Variants in TMEM108 observed in about 807,000 individuals in gnomAD.
TMEM108 encodes transmembrane protein 108, also known as cancer/testis antigen 124.
TMEM108 carries 12 observed loss-of-function variants against 35.1 expected under a neutral mutation model. The ratio of observed to expected loss-of-function variants is 0.34; its 90% CI spans 0.22 to 0.55. The LOEUF is 0.55. TMEM108 is among the 20% of genes least tolerant of loss of function. The pLI, the probability that TMEM108 is intolerant of heterozygous loss-of-function variation, is 0.89. For missense variants in TMEM108, 680 were observed against 753.3 expected, an observed-to-expected ratio of 0.90 and a Z score of 1.14; for synonymous variants, 287 against 308.6, an observed-to-expected ratio of 0.93 and a Z score of 0.73.
intron 2 of TMEM108, among the ~76,000 whole-genome samples, chr3:133,068,343 G>C (rs1943635598): frequency 1.3e-5 from 2 of 152,082 alleles, no homozygotes; most frequent in Non-Finnish European, 2.9e-5. Context: ...AGGGAGAGAA[G>C]GAAACAGAGG....
At chr3:133,059,126 G>C (rs1184727660) in intron 2 of TMEM108, among the ~76,000 whole-genome samples, 1 of 152,172 alleles carries the variant, frequency 6.6e-6, no homozygotes, top group Non-Finnish European at 1.5e-5. Context: ...TGGATTACAA[G>C]GGCGTTAATC....
At chr3:133,296,640 C>T (rs78343907) in intron 3 of TMEM108, among the ~76,000 whole-genome samples, 3,127 of 152,020 alleles carry the variant, frequency 0.021, 93 homozygotes, top group African/African-American at 0.072. Context: ...GATGGACAGG[C>T]TGGAAAAGGA....
intron 2 of TMEM108, among the ~76,000 whole-genome samples, chr3:133,202,731 C>T (rs937038438): frequency 1.3e-5 from 2 of 152,084 alleles, no homozygotes; most frequent in African/African-American, 2.4e-5. Flanking sequence ...TAGCATGATG[C>T]CTCCAGCTTT....
Position 133,047,328 on chromosome 3 carries a change from C to G in TMEM108, c.-47+1308C>G, listed in dbSNP as rs192909279. On this transcript the variant is annotated intron_variant, in intron 2 of 5. Coordinates refer to ENST00000321871, the MANE Select transcript of TMEM108 (RefSeq NM_023943.4). Reference sequence around the variant, plus strand: ...TTTAAAAGTATATCCTGTATATCCTCTATTTTAAAAGTAACTAAAAAGTAT... The same window carrying G: ...TTTAAAAGTATATCCTGTATATCCTGTATTTTAAAAGTAACTAAAAAGTAT... 6.6e-5 allele frequency among the ~76,000 whole-genome samples: 10 copies of G among 152,284 alleles called. No homozygotes were observed. The East Asian group carries it at 1.9e-3, about 29-fold the overall frequency.
chr3:133,388,892 A>G lies in TMEM108; in HGVS notation c.1451-1288A>G, dbSNP rs536517592. 10 of 985,800 alleles carry G rather than the reference A, an allele frequency of 1.0e-5. No individual in the cohort carries two copies. The African/African-American group carries it at 1.4e-4, about 14-fold the overall frequency. The allele number at this position is 985,800 out of a possible 1,614,324, so 61.1% of individuals were successfully genotyped here. A position where few individuals can be genotyped will look rare whatever the true frequency, so the allele number is the denominator to read the frequency against. Reference sequence around the variant, plus strand: ...CTGGCCAGACCCTCAGGCTGCTGCGAACAGAGCTGGCCCTCTGCCAACCCC... The same window carrying G: ...CTGGCCAGACCCTCAGGCTGCTGCGGACAGAGCTGGCCCTCTGCCAACCCC... On this transcript the variant is annotated intron_variant, in intron 4 of 5. Transcript: ENST00000321871.
At chr3:133,370,700 T>C (rs2072634063) in intron 3 of TMEM108, among the ~76,000 whole-genome samples, 1 of 152,206 alleles carries the variant, frequency 6.6e-6, no homozygotes, top group Non-Finnish European at 1.5e-5. Context: ...TTTTTGTTTA[T>C]GTGAGGCAAG....
intron 3 of TMEM108, among the ~76,000 whole-genome samples, chr3:133,356,438 C>T (rs960779343): frequency 2.0e-5 from 3 of 152,090 alleles, no homozygotes; most frequent in Non-Finnish European, 2.9e-5. Context: ...TGTCAAAATA[C>T]CATTATAATT....
intron 3 of TMEM108, among the ~76,000 whole-genome samples, chr3:133,353,845 A>G (rs966059419): frequency 1.1e-4 from 17 of 152,346 alleles, no homozygotes; most frequent in African/African-American, 4.1e-4. Flanking sequence ...CGACGATTCA[A>G]TTTAATCATA....
chr3:133,274,042 A>T (rs1437685058), intron 3 of TMEM108, among the ~76,000 whole-genome samples: 5 of 152,194 alleles, frequency 3.3e-5, no homozygotes, highest in Non-Finnish European at 7.3e-5. Flanking sequence ...CAAAATTCAC[A>T]CCCAGTCCTA....
chr3:133,173,251 A>G (rs1336113239), intron 2 of TMEM108, among the ~76,000 whole-genome samples: 9 of 152,254 alleles, frequency 5.9e-5, no homozygotes, highest in African/African-American at 1.2e-4. Flanking sequence ...AAAACATTGT[A>G]ATCTTTCAAT....
At chr3:133,208,043 C>G (rs1011010508) in intron 2 of TMEM108, among the ~76,000 whole-genome samples, 4 of 152,150 alleles carry the variant, frequency 2.6e-5, no homozygotes, top group Admixed American at 2.0e-4. Flanking sequence ...TATTATTTAT[C>G]CAAGGTCACA....
chr3:133,166,262 G>A lies in TMEM108; in HGVS notation c.-46-63004G>A, dbSNP rs531014127. Among the ~76,000 whole-genome samples the A allele has an allele frequency of 2.0e-5, 3 of 152,316 alleles. No individual in the cohort carries two copies. In the South Asian group the frequency reaches 6.2e-4, roughly 32 times the overall value. On this transcript the variant is annotated intron_variant, in intron 2 of 5. Coordinates refer to ENST00000321871, the MANE Select transcript of TMEM108 (RefSeq NM_023943.4). The stretch of plus-strand genomic sequence containing the variant: ...AATGGATGCTGGGCTTCATACATAG[G>A]TGATGGGATAATCTGTACACAAACC...
At chr3:133,254,017 T>C (rs948008321) in intron 3 of TMEM108, among the ~76,000 whole-genome samples, 1 of 152,140 alleles carries the variant, frequency 6.6e-6, no homozygotes, top group South Asian at 2.1e-4. Context: ...TAAAGGAATA[T>C]ATGTCATATT....
chr3:133,123,992 CT>C (rs1167691520), intron 2 of TMEM108, among the ~76,000 whole-genome samples: 3 of 152,152 alleles, frequency 2.0e-5, no homozygotes, highest in African/African-American at 7.2e-5. Flanking sequence ...GGCTTCTGTT[CT>C]GAAAGGGCAC....
intron 2 of TMEM108, among the ~76,000 whole-genome samples, chr3:133,151,287 C>T (rs1944797129): frequency 6.6e-6 from 1 of 152,108 alleles, no homozygotes; most frequent in South Asian, 2.1e-4. Context: ...GTATCCCTAG[C>T]CCCTAACCCA....
chr3:133,175,932 A>C (rs1466366157), intron 2 of TMEM108, among the ~76,000 whole-genome samples: 1 of 152,198 alleles, frequency 6.6e-6, no homozygotes, highest in Non-Finnish European at 1.5e-5. Context: ...AACCCATCTC[A>C]TGTGCAGAGA....
intron 3 of TMEM108, among the ~76,000 whole-genome samples, chr3:133,278,104 G>A (rs1390758495): frequency 6.6e-6 from 1 of 152,218 alleles, no homozygotes; most frequent in Non-Finnish European, 1.5e-5. Flanking sequence ...GAGAAGCAAG[G>A]TCAGGTTATA....
chr3:133,199,746 C>T (rs1945633189), intron 2 of TMEM108, among the ~76,000 whole-genome samples: 1 of 152,178 alleles, frequency 6.6e-6, no homozygotes, highest in African/African-American at 2.4e-5. Context: ...TCTGTCCATT[C>T]TCAGATCTCA....
At chr3:133,313,211 T>G (rs544973668) in intron 3 of TMEM108, among the ~76,000 whole-genome samples, 1 of 151,810 alleles carries the variant, frequency 6.6e-6, no homozygotes, top group South Asian at 2.1e-4. Flanking sequence ...ATTTTTTTTT[T>G]TTTTGAGATG....
Sources: allele counts gnomAD v4.1 joint callset (sites outside exome capture counted in the v4.1 genomes callset), GRCh38; gene constraint gnomAD v4.1.1; transcripts MANE v1.5; gene names NCBI Gene and HGNC (gene_info 2026-07-23, HGNC 2026-07-21).